The following CD46 variants were observed in gnomAD, a reference collection of about 807,000 sequenced individuals.
The protein encoded by CD46 is membrane cofactor protein.
A neutral mutation model predicts 53.3 loss-of-function variants in CD46; 30 were observed. The observed-to-expected ratio is 0.56, with a 90% CI of 0.42 to 0.76. The LOEUF (loss-of-function observed/expected upper bound fraction) is 0.76. CD46 is among the 30% of genes least tolerant of loss of function. The pLI is 0.00. For missense variants in CD46, 409 were observed against 463.0 expected (o/e 0.88, Z 1.07); for synonymous variants, 142 against 152.0 (o/e 0.93, Z 0.48).
chr1:207,759,319 A>T (rs192331288), intron 3 of CD46, among the ~76,000 whole-genome samples: 92 of 152,326 alleles, frequency 6.0e-4, no homozygotes, highest in African/African-American at 2.2e-3. Flanking sequence ...CCTTGTCCTT[A>T]CTGTGCAAAG....
At chr1:207,775,739 G>A (rs370374580) in intron 8 of CD46, among the ~76,000 whole-genome samples, 3 of 152,174 alleles carry the variant, frequency 2.0e-5, no homozygotes, top group Admixed American at 6.5e-5. Context: ...TGGAAGCTTC[G>A]TCCCAGGTGG....
chr1:207,752,423 C>G lies in CD46; in HGVS notation c.97+114C>G. The G allele has an allele frequency of 1.0e-6, 1 of 982,786 alleles. No homozygotes were observed. Among genetic ancestry groups the G allele is most frequent in the South Asian group, 1.3e-5 (1 of 78,466 alleles). 60.9% of individuals were successfully genotyped at this position (982,786 alleles called of 1,614,324 possible). On this transcript the variant is annotated intron_variant, in intron 1 of 12. Transcript: ENST00000367042. The surrounding 1 kb of genome is among the most constrained non-coding windows in gnomAD (Gnocchi z 4.1). ...GCCGTGCCTGTTTGGGGACAGGGTT[C>G]TCTGAGGGGTGCAGTGCTCAGATCC...
At chr1:207,793,013 T>C (rs1266898505) in intron 12 of CD46, among the ~76,000 whole-genome samples, 2 of 152,258 alleles carry the variant, frequency 1.3e-5, no homozygotes, top group Admixed American at 6.5e-5. Context: ...TAATAGGTTT[T>C]ATAAAGATGT....
chr1:207,759,778 C>A, intron 4 of CD46, 54 bp downstream of exon 4: 1 of 1,001,696 alleles, frequency 1.0e-6, no homozygotes, highest in Non-Finnish European at 1.6e-6. Flanking sequence ...AAGATTTTTG[C>A]CTCCTTTACA....
chr1:207,758,565 C>G (rs1655830220), intron 3 of CD46, among the ~76,000 whole-genome samples: 1 of 152,124 alleles, frequency 6.6e-6, no homozygotes, highest in Non-Finnish European at 1.5e-5. Context: ...TCTTAATGAC[C>G]TAGTCATTTC....
upstream of CD46, chr1:207,752,053 C>A (rs1048715855): frequency 1.3e-6 from 1 of 770,854 alleles, no homozygotes. The surrounding 1 kb of genome is among the most constrained non-coding windows in gnomAD (Gnocchi z 4.1). Flanking sequence ...CCGCCCCGGG[C>A]GCGGCTCGGG....
intron 8 of CD46, among the ~76,000 whole-genome samples, chr1:207,779,396 G>A (rs1341753409): frequency 1.3e-5 from 2 of 151,986 alleles, no homozygotes; most frequent in African/African-American, 2.4e-5. Context: ...ATATTTTTCT[G>A]CAACTTTTTC....
rs121909591 is a variant in CD46 at position 207,757,020 on chromosome 1, G to A, written c.104G>A (p.Cys35Tyr). ...VLLLYSFSDACEEPPTFEAME... is the reference protein window; with the variant it reads ...VLLLYSFSDAYEEPPTFEAME... ...CCTATTCTCTTATCCCTAGATGCCT[G>A]TGAGGAGCCACCAACATTTGAAGCT... Residue 35 changes from cysteine to tyrosine, a missense_variant, in exon 2 of 13, where the codon TGT becomes TAT. Cys to Tyr is a radical substitution (Grantham distance 194). Coordinates refer to ENST00000367042, the MANE Select transcript of CD46 (RefSeq NM_172351.3). 11 of 1,613,506 alleles carry A rather than the reference G, an allele frequency of 6.8e-6. No homozygotes were observed. Among genetic ancestry groups the A allele is most frequent in the Middle Eastern group, 1.6e-4 (1 of 6,084 alleles).
intron 3 of CD46, 79 bp downstream of exon 3, chr1:207,757,721 T>C (rs1655725815): frequency 1.1e-6 from 1 of 944,582 alleles, no homozygotes; most frequent in South Asian, 1.4e-5. Flanking sequence ...AGCATTCCTG[T>C]AAACTTAATT....
chr1:207,759,261 A>T (rs1196702060), intron 3 of CD46, among the ~76,000 whole-genome samples: 3 of 152,202 alleles, frequency 2.0e-5, no homozygotes, highest in Non-Finnish European at 4.4e-5. Flanking sequence ...AGAAGCAGGG[A>T]CTTGAATCTA....
chr1:207,786,080 GA>G (rs1659248165), intron 11 of CD46: 1 of 181,076 alleles, frequency 5.5e-6, no homozygotes, highest in Non-Finnish European at 1.2e-5. Flanking sequence ...GTATTCACTG[GA>G]ATTTTTATAA....
At chr1:207,780,324 A>G (rs1658611791) in intron 8 of CD46, among the ~76,000 whole-genome samples, 1 of 152,122 alleles carries the variant, frequency 6.6e-6, no homozygotes. Flanking sequence ...TATTTTACTT[A>G]GCATAATGTT....
chr1:207,777,902 C>T (rs1658290168), intron 8 of CD46, among the ~76,000 whole-genome samples: 2 of 152,294 alleles, frequency 1.3e-5, no homozygotes, highest in South Asian at 2.1e-4. Context: ...TACACTCCCA[C>T]GAACAGCATA....
In CD46 at chr1:207,759,703, G is replaced by C; in HGVS notation, c.454G>C (p.Gly152Arg). Residue 152 changes from glycine to arginine, a missense_variant, in exon 4 of 13, where the codon GGT (glycine) becomes CGT (arginine). Coordinates refer to ENST00000367042, the MANE Select transcript of CD46 (RefSeq NM_172351.3). ...ELKGSVAIWS[G>R]KPPICEKVLC... ...TAAAGGATCAGTAGCAATTTGGAGC[G>C]GTAAGCCCCCAATATGTGAAAGTAA... 1 of 1,605,364 alleles carries C rather than the reference G, an allele frequency of 6.2e-7. No homozygotes were observed. The highest frequency in any genetic ancestry group is 8.5e-7 in the Non-Finnish European group (1 of 1,172,452).
intron 6 of CD46, 56 bp from the exon 7 acceptor site, chr1:207,767,723 G>A (rs1293627117): frequency 4.4e-6 from 7 of 1,589,858 alleles, no homozygotes; most frequent in Admixed American, 1.7e-5. Context: ...TGGAGAAATT[G>A]CCAGCAATAA....
intron 4 of CD46, 49 bp from the exon 5 acceptor site, chr1:207,761,200 G>A: frequency 8.3e-7 from 1 of 1,206,964 alleles, no homozygotes; most frequent in South Asian, 1.3e-5. Flanking sequence ...TTTTACTAAT[G>A]CTGTCTTAAT....
In CD46 at chr1:207,770,303, T is replaced by A; in HGVS notation, c.902-18T>A. 6.3e-7 allele frequency: 1 copy of A among 1,584,948 alleles called. No individual in the cohort carries two copies. The highest frequency in any genetic ancestry group is 8.7e-7 in the Non-Finnish European group (1 of 1,154,208). On this transcript the variant is annotated intron_variant, in intron 7 of 12. Coordinates refer to ENST00000367042, the MANE Select transcript of CD46 (RefSeq NM_172351.3). Reference sequence around the variant, plus strand: ...ATAAGGCCCTGGTGAATTTATAAAATCAAACTTATTTTTCTAGGTCCTAGG... The same window carrying A: ...ATAAGGCCCTGGTGAATTTATAAAAACAAACTTATTTTTCTAGGTCCTAGG...
chr1:207,763,428 G>T (rs1360895182), intron 5 of CD46, among the ~76,000 whole-genome samples: 1 of 152,220 alleles, frequency 6.6e-6, no homozygotes, highest in Non-Finnish European at 1.5e-5. Flanking sequence ...GCAGGCCAGA[G>T]GCTGGTCTCA....
intron 8 of CD46, among the ~76,000 whole-genome samples, chr1:207,772,816 G>A (rs1054040541): frequency 1.3e-5 from 2 of 152,140 alleles, no homozygotes; most frequent in African/African-American, 4.8e-5. Flanking sequence ...ATTTTGTTGA[G>A]GATTTTTGCA....
Sources: gnomAD v4.1 joint callset for allele counts (sites outside exome capture counted in the v4.1 genomes callset) on GRCh38, gnomAD v4.1.1 for gene constraint, Gnocchi (gnomAD v3.1) non-coding constraint, MANE v1.5 for transcripts, NCBI Gene and HGNC (gene_info 2026-07-23, HGNC 2026-07-21) for gene names.